Variants in OBSL1 observed in about 807,000 individuals in gnomAD.
OBSL1 encodes the protein obscurin like cytoskeletal adaptor 1.
A neutral mutation model predicts 172.0 loss-of-function variants in OBSL1; 160 were observed. The ratio of observed to expected loss-of-function variants is 0.93; its 90% CI spans 0.82 to 1.06. The LOEUF (loss-of-function observed/expected upper bound fraction) is 1.06, where lower values mean the gene tolerates loss of function less well. Among genes scored for constraint, OBSL1 ranks in the 50% least tolerant of loss-of-function variants. The probability of loss-of-function intolerance (pLI) is 0.00; values close to 1 mark genes in which losing one functional copy is unlikely to be tolerated. For missense variants in OBSL1, 2,681 were observed against 2,715.4 expected (o/e 0.99, Z 0.28); for synonymous variants, 1,200 against 1,196.3 (o/e 1.00, Z -0.06).
chr2:219,570,074 G>A (rs1427194986), intron 1 of OBSL1, 147 bp downstream of exon 1: 1 of 689,956 alleles, frequency 1.4e-6, no homozygotes, highest in Non-Finnish European at 2.3e-6. Context: ...TGGGGAGTGA[G>A]AGGCGGGCGG....
chr2:219,569,224 G>A (rs1473132316), intron 1 of OBSL1: 1 of 152,192 alleles, frequency 6.6e-6, no homozygotes, highest in Non-Finnish European at 1.5e-5. Flanking sequence ...CTTTCCTGAT[G>A]GAGGTCCAGA....
chr2:219,565,051 A>C (rs763368135), intron 6 of OBSL1, among the ~76,000 whole-genome samples, 191 bp downstream of exon 6: 4 of 152,206 alleles, frequency 2.6e-5, no homozygotes, highest in Non-Finnish European at 4.4e-5. Flanking sequence ...AGGGCAACAG[A>C]GTGAGAGCCT....
At chr2:219,559,850 A>G (rs998383944) in intron 8 of OBSL1, among the ~76,000 whole-genome samples, 5 of 152,244 alleles carry the variant, frequency 3.3e-5, no homozygotes, top group Non-Finnish European at 7.3e-5. Context: ...TTACAGATAC[A>G]AGCATATATC....
chr2:219,558,380 G>A lies in OBSL1; in HGVS notation c.3306C>T (p.Arg1102=), dbSNP rs1381031587. The change falls in exon 10 of 21, where the codon CGC becomes CGT. Residue 1102 remains arginine, a synonymous_variant. Transcript: ENST00000404537. ...HFGAPGRVEL[R]CEVAPAGSQV... is the part of the protein sequence containing the mutation. ...GAGACCCAGCTGGGGCCACCTCACA[G>A]CGCAGCTCCACGCGCCCTGGAGCCC... is the stretch of plus-strand genomic sequence containing the variant. The A allele has an allele frequency of 6.2e-7, 1 of 1,610,446 alleles. No homozygotes were observed. Among genetic ancestry groups the A allele is most frequent in the African/African-American group, 1.3e-5 (1 of 74,894 alleles).
At chr2:219,564,885 T>G (rs1344909554) in intron 6 of OBSL1, among the ~76,000 whole-genome samples, 2 of 152,124 alleles carry the variant, frequency 1.3e-5, no homozygotes, top group African/African-American at 4.8e-5. Flanking sequence ...CTAACCAACA[T>G]AGTGAAACCG....
At position 219,567,976 on chromosome 2, in the gene OBSL1, T is replaced by C. The variant is rs750796737; in HGVS notation, c.1283-7A>G. The C allele has an allele frequency of 1.2e-6, 2 of 1,612,956 alleles. No homozygotes were observed. Among genetic ancestry groups the C allele is most frequent in the Non-Finnish European group, 1.7e-6 (2 of 1,179,272 alleles). On this transcript the variant is annotated splice_polypyrimidine_tract_variant and splice_region_variant and intron_variant, in intron 2 of 20. Transcript: ENST00000404537. ...AGGCGCTTCAGGATGGGCCCTGAGA[T>C]GCGGACAGGAATCCATCAACCTGGA...
Position 219,556,207 on chromosome 2 carries a change from T to C in OBSL1, c.4422A>G (p.Arg1474=). The change falls in exon 14 of 21, where the codon CGA becomes CGG. Residue 1474 remains arginine, a synonymous_variant. Coordinates refer to ENST00000404537, the MANE Select transcript of OBSL1 (RefSeq NM_015311.3). ...AGCGCACGGCCCCCGCTGCACCCAC[T>C]CGGCCTGTCTCCACTTCGAGACACA... ...QDVCLEVETG[R]VGAAGAVRWV... The C allele has an allele frequency of 6.2e-7, 1 of 1,610,978 alleles. No homozygotes were observed. The highest frequency in any genetic ancestry group is 8.5e-7 in the Non-Finnish European group (1 of 1,178,380).
At position 219,568,275 on chromosome 2, in the gene OBSL1, C is replaced by A; in HGVS notation, c.1062G>T (p.Glu354Asp). 1 of 1,610,240 alleles carries A rather than the reference C, an allele frequency of 6.2e-7. No homozygotes were observed. The highest frequency in any genetic ancestry group is 8.5e-7 in the Non-Finnish European group (1 of 1,178,520). ...TACATTCCAGCACGGCAATCCCGTG[C>A]TCACGGCCCTCCACGTCCTGCAGGG... is the stretch of plus-strand genomic sequence containing the variant. Reference protein sequence around the residue: ...TRPLQDVEGREHGIAVLECKV... With the variant: ...TRPLQDVEGRDHGIAVLECKV... Residue 354 changes from glutamate to aspartate, a missense_variant, in exon 2 of 21, where the codon GAG becomes GAT. Glu to Asp is a conservative substitution (Grantham distance 45). Coordinates refer to ENST00000404537, the MANE Select transcript of OBSL1 (RefSeq NM_015311.3). The surrounding 1 kb of genome is among the most constrained non-coding windows in gnomAD (Gnocchi z 4.1).
Position 219,570,216 on chromosome 2 carries a change from C to A in OBSL1, c.1012+5G>T. The A allele has an allele frequency of 6.5e-7, 1 of 1,546,524 alleles. No homozygotes were observed. The highest frequency in any genetic ancestry group is 8.7e-7 in the Non-Finnish European group (1 of 1,145,306). ...CCCCTCCCTAGGTCCCGGGCTCCGC[C>A]GTACCTTTCACGTGCAGCTGCACGG... On this transcript the variant is annotated splice_donor_5th_base_variant and intron_variant, in intron 1 of 20. Coordinates refer to ENST00000404537, the MANE Select transcript of OBSL1 (RefSeq NM_015311.3).
chr2:219,556,740 G>T lies in OBSL1; in HGVS notation c.4067-17C>A. On this transcript the variant is annotated splice_polypyrimidine_tract_variant and intron_variant, in intron 12 of 20. Coordinates refer to ENST00000404537, the MANE Select transcript of OBSL1 (RefSeq NM_015311.3). ...GCAGTGGCTCTAAGGGGCACGGTAA[G>T]GCAGTGAGCTGGGCTGAGTCTTTTC... 6.3e-7 allele frequency: 1 copy of T among 1,583,506 alleles called. No homozygotes were observed. The highest frequency in any genetic ancestry group is 1.3e-5 in the African/African-American group (1 of 74,504).
In OBSL1 at chr2:219,556,916, C is replaced by T. The variant is rs931184331; in HGVS notation, c.4067-193G>A. ...CTGCCACTCCTTTTAGTCAGTTCCT[C>T]ATAATCCTAGCCTAGCACCCCACCT... is the stretch of plus-strand genomic sequence containing the variant. On this transcript the variant is annotated intron_variant, in intron 12 of 20. Coordinates refer to ENST00000404537, the MANE Select transcript of OBSL1 (RefSeq NM_015311.3). 1.1e-4 allele frequency: 68 copies of T among 633,930 alleles called. No individual in the cohort carries two copies. In the Middle Eastern group the frequency reaches 1.3e-3, roughly 12 times the overall value. The allele number at this position is 633,930 out of a possible 1,614,324, so 39.3% of individuals were successfully genotyped here. A position where few individuals can be genotyped will look rare whatever the true frequency, so the allele number is the denominator to read the frequency against.
downstream of OBSL1, chr2:219,547,755 C>G: frequency 1.3e-6 from 2 of 1,594,836 alleles, no homozygotes; most frequent in African/African-American, 2.7e-5. Context: ...GGCTCCGCAC[C>G]CTACTACCAG....
rs781321770 is a variant in OBSL1 at position 219,558,070 on chromosome 2, G to C, written c.3543C>G (p.Ser1181Arg). 4 of 1,613,734 alleles carry C rather than the reference G, an allele frequency of 2.5e-6. No homozygotes were observed. In the Admixed American group the frequency reaches 6.7e-5, roughly 27 times the overall value. Residue 1181 changes from serine to arginine, a missense_variant, in exon 11 of 21, where the codon AGC becomes AGG. Physicochemically the swap from Ser to Arg is moderately radical, Grantham distance 110. Transcript: ENST00000404537. The stretch of plus-strand genomic sequence containing the variant: ...GCTCCCCAGGGGCCACACAGAGCGG[G>C]CTTGGAGTTGTCTCTAGAGCAAGGA... ...VQFLALETTP[S>R]PLCVAPGEPV...
chr2:219,566,941 T>C lies in OBSL1; in HGVS notation c.2023A>G (p.Lys675Glu), dbSNP rs1295709290. 3 of 1,613,824 alleles carry C rather than the reference T, an allele frequency of 1.9e-6. No homozygotes were observed. The highest frequency in any genetic ancestry group is 4.5e-5 in the East Asian group (2 of 44,874). Residue 675 changes from lysine to glutamate, a missense_variant, in exon 5 of 21, where the codon AAG (lysine) becomes GAG (glutamate). Physicochemically the swap from Lys to Glu is moderately conservative, Grantham distance 56. Coordinates refer to ENST00000404537, the MANE Select transcript of OBSL1 (RefSeq NM_015311.3). ...PGALRYRIEQ[K>E]GLQHRLILHA... ...AGGATGAGTCTGTGCTGCAGACCCT[T>C]CTGCTCTATACGGTACCGCAGGGCC... is the stretch of plus-strand genomic sequence containing the variant.
In OBSL1 at chr2:219,570,127, C is replaced by A. The variant is rs943285892; in HGVS notation, c.1012+94G>T. 2.6e-6 allele frequency: 3 copies of A among 1,158,420 alleles called. No homozygotes were observed. In the African/African-American group the frequency reaches 4.7e-5, roughly 18 times the overall value. 71.8% of individuals were successfully genotyped at this position (1,158,420 alleles called of 1,614,324 possible). On this transcript the variant is annotated intron_variant, in intron 1 of 20. Transcript: ENST00000404537. Reference sequence around the variant, plus strand: ...TCCCGCGGACCACCTCTCCTCCAGTCTTGGGGGCAGCGCTGGGCACCGAGG... The same window carrying A: ...TCCCGCGGACCACCTCTCCTCCAGTATTGGGGGCAGCGCTGGGCACCGAGG...
chr2:219,555,767 G>C (rs1441235556), intron 14 of OBSL1: 1 of 1,366,692 alleles, frequency 7.3e-7, no homozygotes, highest in African/African-American at 1.5e-5. Flanking sequence ...TCTTTCTGGA[G>C]AATATTTGTG....
downstream of OBSL1, chr2:219,549,375 C>T: frequency 6.2e-7 from 1 of 1,600,896 alleles, no homozygotes; most frequent in Non-Finnish European, 8.5e-7. Flanking sequence ...TGAGCCCATC[C>T]AGCCAGAATG....
downstream of OBSL1, among the ~76,000 whole-genome samples, chr2:219,548,502 G>A (rs1695442603): frequency 6.6e-6 from 1 of 152,192 alleles, no homozygotes; most frequent in African/African-American, 2.4e-5. Context: ...TGAAGGAGGT[G>A]ATATGTAAGC....
chr2:219,547,212 CTT>C (rs958964608), downstream of OBSL1: 10 of 305,196 alleles, frequency 3.3e-5, no homozygotes, highest in Admixed American at 1.5e-4. Flanking sequence ...CGAATTCACT[CTT>C]GACTCAAAAG....
Sources: allele counts gnomAD v4.1 joint callset (sites outside exome capture counted in the v4.1 genomes callset), GRCh38; gene constraint gnomAD v4.1.1; non-coding constraint Gnocchi (gnomAD v3.1); transcripts MANE v1.5; gene names NCBI Gene and HGNC (gene_info 2026-07-23, HGNC 2026-07-21).